NELL1: variants seen among roughly 807,000 people sequenced by gnomAD.
NELL1 encodes protein kinase C-binding protein NELL1.
A neutral mutation model predicts 107.4 loss-of-function variants in NELL1; 76 were observed. The ratio of observed to expected loss-of-function variants is 0.71; its 90% CI spans 0.59 to 0.86. The LOEUF is 0.86. Among genes scored for constraint, NELL1 ranks in the 40% least tolerant of loss-of-function variants. The pLI is 0.00. For missense variants in NELL1, 1,024 were observed against 1,005.5 expected (o/e 1.02, Z -0.25); for synonymous variants, 353 against 341.2 (o/e 1.03, Z -0.38).
intron 12 of NELL1, among the ~76,000 whole-genome samples, chr11:21,054,504 C>T (rs1853569960): frequency 6.6e-6 from 1 of 151,902 alleles, no homozygotes; most frequent in Non-Finnish European, 1.5e-5. Context: ...CTTCTTAAAC[C>T]TCAGCTGATA....
intron 14 of NELL1, among the ~76,000 whole-genome samples, chr11:21,251,337 C>T (rs1858632451): frequency 6.6e-6 from 1 of 151,944 alleles, no homozygotes; most frequent in African/African-American, 2.4e-5. Flanking sequence ...TCCTCTATTC[C>T]CCCAATATAA....
rs551588511 is a variant in NELL1, at chr11:21,317,707, A to C, written c.1550-53146A>C. Among the ~76,000 whole-genome samples, 31 of 152,188 alleles carry C rather than the reference A, an allele frequency of 2.0e-4. 1 individual carries two copies. Among genetic ancestry groups the C allele is most frequent in the Admixed American group, 1.8e-3 (28 of 15,278 alleles). On this transcript the variant is annotated intron_variant, in intron 14 of 19. Transcript: ENST00000357134. Reference sequence around the variant, plus strand: ...AACATTAGCAAAACCAGATGTCAAAAAGTAAAGGCCTTGATTTTTGAGCAC... The same window carrying C: ...AACATTAGCAAAACCAGATGTCAAACAGTAAAGGCCTTGATTTTTGAGCAC...
In NELL1 at chr11:21,025,997, T is replaced by C. The variant is rs140847524; in HGVS notation, c.1300+65437T>C. 1.1e-3 allele frequency among the ~76,000 whole-genome samples: 161 copies of C among 152,306 alleles called. 1 individual carries two copies. The highest frequency in any genetic ancestry group is 1.8e-3 in the Non-Finnish European group (121 of 68,022). ...TAAATCCTGTTGACTCCCTGCAAAATACATTTAGACTCTATCTGGTCACAT... is the reference window on the plus strand; with the variant it reads ...TAAATCCTGTTGACTCCCTGCAAAACACATTTAGACTCTATCTGGTCACAT... On this transcript the variant is annotated intron_variant, in intron 12 of 19. Coordinates refer to ENST00000357134, the MANE Select transcript of NELL1 (RefSeq NM_006157.5).
At chr11:21,358,662 C>T (rs1201996690) in intron 14 of NELL1, among the ~76,000 whole-genome samples, 1 of 150,646 alleles carries the variant, frequency 6.6e-6, no homozygotes, top group Non-Finnish European at 1.5e-5. Context: ...GGTGATCCGC[C>T]TGCCTCAGCC....
chr11:21,492,314 A>G (rs1182625982), intron 15 of NELL1, among the ~76,000 whole-genome samples: 1 of 152,076 alleles, frequency 6.6e-6, no homozygotes, highest in South Asian at 2.1e-4. Context: ...AAACTAGTTC[A>G]ACCATTGTGG....
chr11:21,057,149 G>T (rs1346380002), intron 12 of NELL1, among the ~76,000 whole-genome samples: 1 of 152,000 alleles, frequency 6.6e-6, no homozygotes, highest in Admixed American at 6.6e-5. Flanking sequence ...AGGTAAACAT[G>T]TAAATTTTAA....
At chr11:21,180,397 A>T (rs550250915) in intron 13 of NELL1, among the ~76,000 whole-genome samples, 1 of 151,854 alleles carries the variant, frequency 6.6e-6, no homozygotes, top group Non-Finnish European at 1.5e-5. Context: ...TCTGTTTGGC[A>T]TGCTGCTGCT....
intron 2 of NELL1, among the ~76,000 whole-genome samples, chr11:20,781,990 G>A (rs751504464): frequency 3.3e-5 from 5 of 150,140 alleles, no homozygotes; most frequent in Non-Finnish European, 5.9e-5. Flanking sequence ...GCAGTGAGCC[G>A]AGATCATGCC....
chr11:21,114,742 T>G (rs1855191855), intron 13 of NELL1, among the ~76,000 whole-genome samples: 3 of 152,036 alleles, frequency 2.0e-5, no homozygotes, highest in African/African-American at 7.2e-5. Flanking sequence ...CTCACTTATC[T>G]GTCTTTTACA....
chr11:21,240,310 C>T (rs1207775597), intron 14 of NELL1, among the ~76,000 whole-genome samples: 1 of 151,948 alleles, frequency 6.6e-6, no homozygotes, highest in African/African-American at 2.4e-5. Context: ...TTTGCAAAAT[C>T]TCTGTCATAA....
chr11:21,341,094 A>C (rs1463268771), intron 14 of NELL1, among the ~76,000 whole-genome samples: 2 of 152,202 alleles, frequency 1.3e-5, no homozygotes, highest in Non-Finnish European at 2.9e-5. Flanking sequence ...CTATTTAAAA[A>C]TAAGTGTGTA....
rs74944035 is a variant in NELL1 at position 20,838,117 on chromosome 11, G to A, written c.336-9466G>A. Among the ~76,000 whole-genome samples the A allele has an allele frequency of 4.6e-4, 70 of 151,806 alleles. No individual in the cohort carries two copies. In the East Asian group the frequency reaches 0.012, roughly 26 times the overall value. ...TGTAGTAGAATGCATTCTTAGATAC[G>A]ATACTGTGAGAATTGCACATTACTT... On this transcript the variant is annotated intron_variant, in intron 3 of 19. Transcript: ENST00000357134.
intron 3 of NELL1, among the ~76,000 whole-genome samples, chr11:20,808,163 C>T (rs1857424018): frequency 6.6e-6 from 1 of 152,150 alleles, no homozygotes; most frequent in African/African-American, 2.4e-5. Flanking sequence ...TGCCTGAAGC[C>T]AGCATGTCTC....
intron 12 of NELL1, among the ~76,000 whole-genome samples, chr11:20,967,688 C>T (rs1476974632): frequency 6.6e-6 from 1 of 152,168 alleles, no homozygotes; most frequent in Non-Finnish European, 1.5e-5. Context: ...ACCAAGCTTC[C>T]TTTATCTTTT....
In NELL1 at chr11:21,017,548, C is replaced by T. The variant is rs1464352846; in HGVS notation, c.1300+56988C>T. On this transcript the variant is annotated intron_variant, in intron 12 of 19. Coordinates refer to ENST00000357134, the MANE Select transcript of NELL1 (RefSeq NM_006157.5). ...CATACCCTGAGTGGTGCAATGTTCT[C>T]ATCAGTTTAATGCAGAGAATTATGG... 2.3e-4 allele frequency among the ~76,000 whole-genome samples: 35 copies of T among 151,966 alleles called. 1 individual carries two copies. Among genetic ancestry groups the T allele is most frequent in the Admixed American group, 2.3e-3 (35 of 15,248 alleles).
chr11:20,886,941 A>C (rs57594439), intron 5 of NELL1, among the ~76,000 whole-genome samples: 1 of 152,212 alleles, frequency 6.6e-6, no homozygotes, highest in Non-Finnish European at 1.5e-5. Context: ...TATAATCATC[A>C]TTGTAATTGA....
chr11:21,165,355 T>A (rs1450712536), intron 13 of NELL1, among the ~76,000 whole-genome samples: 1 of 152,200 alleles, frequency 6.6e-6, no homozygotes, highest in Admixed American at 6.5e-5. Flanking sequence ...ACTTCAGAAT[T>A]TTTGTATCTA....
chr11:20,894,958 C>T (rs540823071), intron 5 of NELL1, among the ~76,000 whole-genome samples: 1 of 151,994 alleles, frequency 6.6e-6, no homozygotes, highest in South Asian at 2.1e-4. Context: ...AGTCAACCTA[C>T]TCTGCTATCA....
chr11:21,082,641 C>T (rs1854295864), intron 12 of NELL1, among the ~76,000 whole-genome samples: 1 of 152,178 alleles, frequency 6.6e-6, no homozygotes, highest in South Asian at 2.1e-4. Context: ...CATTTGAAAG[C>T]CTCTAGGATC....
Sources: allele counts gnomAD v4.1 joint callset (sites outside exome capture counted in the v4.1 genomes callset), GRCh38; gene constraint gnomAD v4.1.1; transcripts MANE v1.5; gene names NCBI Gene and HGNC (gene_info 2026-07-23, HGNC 2026-07-21).